Variants in AGAP1 observed in about 807,000 individuals in gnomAD.
AGAP1 encodes arf-GAP with GTPase, ANK repeat and PH domain-containing protein 1.
AGAP1 carries 29 observed loss-of-function variants against 105.3 expected under a neutral mutation model. The ratio of observed to expected loss-of-function variants is 0.28; its 90% CI spans 0.21 to 0.38. The LOEUF (loss-of-function observed/expected upper bound fraction) is 0.38, where lower values mean the gene tolerates loss of function less well. Ranked by LOEUF, AGAP1 falls within the 10% of genes least tolerant of loss-of-function variation. AGAP1 has a pLI of 1.00. For missense variants in AGAP1, 998 were observed against 1,165.1 expected (o/e 0.86, Z 2.09); for synonymous variants, 509 against 485.9 (o/e 1.05, Z -0.63).
intron 6 of AGAP1, chr2:235,775,552 CTCTG>C (rs1350532872): frequency 6.6e-6 from 1 of 152,154 alleles, no homozygotes; most frequent in East Asian, 1.9e-4. Flanking sequence ...GCCTAGATTT[CTCTG>C]TCTGCCAGGA....
At chr2:235,606,444 A>G (rs987578024) in intron 1 of AGAP1, among the ~76,000 whole-genome samples, 20 of 152,214 alleles carry the variant, frequency 1.3e-4, no homozygotes, top group African/African-American at 4.6e-4. Context: ...AGAGACCAAG[A>G]ACTACTTCTG....
At chr2:235,852,444 ACAGGTATGGGTG>A (rs2048510574) in intron 9 of AGAP1, among the ~76,000 whole-genome samples, 2 of 152,230 alleles carry the variant, frequency 1.3e-5, no homozygotes, top group Admixed American at 1.3e-4. Flanking sequence ...CAGGCGCCTG[ACAGGTATGGGTG>A]CCTTTGGAGA....
chr2:235,530,226 A>G (rs981680450), intron 1 of AGAP1, among the ~76,000 whole-genome samples: 6 of 152,184 alleles, frequency 3.9e-5, no homozygotes. Flanking sequence ...GCTCATTCGC[A>G]GTCTTGGTGT....
chr2:235,775,029 A>C (rs775539593), intron 6 of AGAP1, among the ~76,000 whole-genome samples: 11 of 152,120 alleles, frequency 7.2e-5, no homozygotes, highest in Non-Finnish European at 1.0e-4. Context: ...ATTCTGGGAA[A>C]GTTTGAGAGA....
At position 235,569,152 on chromosome 2, in the gene AGAP1, TA is replaced by T. The variant is rs1231735577; in HGVS notation, c.163+74307del. Among the ~76,000 whole-genome samples, 5 of 152,110 alleles carry T rather than the reference TA, an allele frequency of 3.3e-5. No individual in the cohort carries two copies. Among genetic ancestry groups the T allele is most frequent in the Non-Finnish European group, 7.4e-5 (5 of 68,026 alleles). Reference sequence around the variant, plus strand: ...CAACATGGCGGAAACCCGTCTCTATTAAAAGTATAAAAATTAGCTGGGTGTG... The same window carrying T: ...CAACATGGCGGAAACCCGTCTCTATTAAAGTATAAAAATTAGCTGGGTGTG... On this transcript the variant is annotated intron_variant, in intron 1 of 17. Coordinates refer to ENST00000304032, the MANE Select transcript of AGAP1 (RefSeq NM_001037131.3). The surrounding 1 kb of genome is among the most constrained non-coding windows in gnomAD (Gnocchi z 5.9).
chr2:235,519,855 T>A lies in AGAP1; in HGVS notation c.163+25006T>A, dbSNP rs372136137. ...TCGAGTGCAATGGCATGATCTCAGTTCACTGCAACCTCCACCTCCTGGGTT... is the reference window on the plus strand; with the variant it reads ...TCGAGTGCAATGGCATGATCTCAGTACACTGCAACCTCCACCTCCTGGGTT... On this transcript the variant is annotated intron_variant, in intron 1 of 17. Coordinates refer to ENST00000304032, the MANE Select transcript of AGAP1 (RefSeq NM_001037131.3). 2.6e-5 allele frequency among the ~76,000 whole-genome samples: 4 copies of A among 152,298 alleles called. No homozygotes were observed. The East Asian group carries it at 7.7e-4, about 29-fold the overall frequency.
At chr2:235,683,996 C>T (rs1949240699) in intron 1 of AGAP1, among the ~76,000 whole-genome samples, 1 of 152,014 alleles carries the variant, frequency 6.6e-6, no homozygotes, top group African/African-American at 2.4e-5. Flanking sequence ...TGATGGTTTC[C>T]AGCTTCATCC....
intron 9 of AGAP1, among the ~76,000 whole-genome samples, chr2:235,880,071 C>G (rs1012669676): frequency 4.7e-5 from 7 of 148,498 alleles, no homozygotes; most frequent in Non-Finnish European, 1.0e-4. Flanking sequence ...GATAGCATCA[C>G]TGCACTCTGG....
chr2:235,784,829 G>A (rs535384802), intron 6 of AGAP1, among the ~76,000 whole-genome samples: 10 of 152,204 alleles, frequency 6.6e-5, no homozygotes, highest in South Asian at 2.1e-4. Flanking sequence ...GGAACTTCAC[G>A]TATCAGAAAA....
chr2:235,911,249 A>G (rs1277574749), intron 11 of AGAP1, among the ~76,000 whole-genome samples: 7 of 152,138 alleles, frequency 4.6e-5, no homozygotes, highest in Admixed American at 4.6e-4. Flanking sequence ...CGCCTTCAGG[A>G]ATCTCCCCTG....
At chr2:235,649,406 C>T (rs889949248) in intron 1 of AGAP1, among the ~76,000 whole-genome samples, 1 of 152,206 alleles carries the variant, frequency 6.6e-6, no homozygotes, top group Non-Finnish European at 1.5e-5. Context: ...CAGATTCTCA[C>T]TCTACTGCTC....
chr2:236,119,730 G>A lies in AGAP1; in HGVS notation c.2115-462G>A, dbSNP rs1300003373. On this transcript the variant is annotated intron_variant, in intron 16 of 17. Transcript: ENST00000304032. The surrounding 1 kb of genome is among the most constrained non-coding windows in gnomAD (Gnocchi z 6.6). ...CCGTGCTTCCATCGTGCTGGTCCCA[G>A]GCAGTAGGGTGGTTTCCCCTGTGCA... is the stretch of plus-strand genomic sequence containing the variant. Among the ~76,000 whole-genome samples the A allele has an allele frequency of 2.0e-5, 3 of 152,202 alleles. No individual in the cohort carries two copies. Among genetic ancestry groups the A allele is most frequent in the East Asian group, 1.9e-4 (1 of 5,194 alleles).
rs987931422 is a variant in AGAP1, at chr2:235,901,008, C to T, written c.1156-7730C>T. Among the ~76,000 whole-genome samples the T allele has an allele frequency of 6.6e-6, 1 of 152,180 alleles. No individual in the cohort carries two copies. The highest frequency in any genetic ancestry group is 1.5e-5 in the Non-Finnish European group (1 of 68,028). ...ATCCTTTGGGGAGAAGAGTAATTGT[C>T]TTCTTGAGTTCTGTGATCTGAAGGG... On this transcript the variant is annotated intron_variant, in intron 10 of 17. Transcript: ENST00000304032. The surrounding 1 kb of genome is among the most constrained non-coding windows in gnomAD (Gnocchi z 4.3).
In AGAP1 at chr2:235,573,696, GCATGAGTGCGCCC is replaced by G. The variant is rs564866308; in HGVS notation, c.163+78864_163+78876del. Among the ~76,000 whole-genome samples, 337 of 152,304 alleles carry G rather than the reference GCATGAGTGCGCCC, an allele frequency of 2.2e-3. 1 individual carries two copies. The highest frequency in any genetic ancestry group is 6.8e-3 in the African/African-American group (281 of 41,562). On this transcript the variant is annotated intron_variant, in intron 1 of 17. Transcript: ENST00000304032. ...GACAGAATTCTGGTCTCTGCAAACG[GCATGAGTGCGCCC>G]CATGAGTGCGCCCCATCACCAGCAG...
intron 12 of AGAP1, among the ~76,000 whole-genome samples, chr2:235,932,604 A>G (rs1416809673): frequency 6.6e-6 from 1 of 152,234 alleles, no homozygotes; most frequent in Non-Finnish European, 1.5e-5. Flanking sequence ...TGCCTTACCA[A>G]GCAGCCTCTG....
rs111951924 is a variant in AGAP1 at position 236,001,960 on chromosome 2, A to G, written c.1645+33337A>G. Among the ~76,000 whole-genome samples the G allele has an allele frequency of 2.6e-4, 39 of 152,300 alleles. 1 individual carries two copies. Among genetic ancestry groups the G allele is most frequent in the African/African-American group, 8.9e-4 (37 of 41,574 alleles). ...GCGCTCACGCTTTGTTCCTGTGGAC[A>G]TCTCTGCCTGATTGGAAGCTTGCGT... On this transcript the variant is annotated intron_variant, in intron 13 of 17. Coordinates refer to ENST00000304032, the MANE Select transcript of AGAP1 (RefSeq NM_001037131.3). This position sits in a 1 kb window ranked among gnomAD's most constrained non-coding sequence, Gnocchi z 4.7.
At chr2:235,766,432 G>A (rs1220563033) in intron 6 of AGAP1, among the ~76,000 whole-genome samples, 4 of 152,196 alleles carry the variant, frequency 2.6e-5, no homozygotes, top group Non-Finnish European at 4.4e-5. Flanking sequence ...ATTCTCCTGC[G>A]CAAATGTTTT....
At chr2:235,616,152 A>G (rs1247215998) in intron 1 of AGAP1, among the ~76,000 whole-genome samples, 2 of 152,120 alleles carry the variant, frequency 1.3e-5, no homozygotes, top group Non-Finnish European at 2.9e-5. Flanking sequence ...CACAAGGTGA[A>G]GAGATCAAGA....
In AGAP1 at chr2:236,005,565, G is replaced by C. The variant is rs999856053; in HGVS notation, c.1646-30996G>C. On this transcript the variant is annotated intron_variant, in intron 13 of 17. Coordinates refer to ENST00000304032, the MANE Select transcript of AGAP1 (RefSeq NM_001037131.3). This position sits in a 1 kb window ranked among gnomAD's most constrained non-coding sequence, Gnocchi z 4.1. ...ATCTCTTTAGCTTTAACCTCATGCC[G>C]TGTCTCTGTTCCAGGATCCAAATCC... is the stretch of plus-strand genomic sequence containing the variant. Among the ~76,000 whole-genome samples, 1 of 152,150 alleles carries C rather than the reference G, an allele frequency of 6.6e-6. No individual in the cohort carries two copies. Among genetic ancestry groups the C allele is most frequent in the African/African-American group, 2.4e-5 (1 of 41,428 alleles).
Sources: gnomAD v4.1 joint callset for allele counts (sites outside exome capture counted in the v4.1 genomes callset) on GRCh38, gnomAD v4.1.1 for gene constraint, Gnocchi (gnomAD v3.1) non-coding constraint, MANE v1.5 for transcripts, NCBI Gene and HGNC (gene_info 2026-07-23, HGNC 2026-07-21) for gene names.